Variants in RBM39 observed in about 807,000 individuals in gnomAD.
RBM39 encodes RNA-binding protein 39.
RBM39 carries 12 observed loss-of-function variants against 79.6 expected under a neutral mutation model. That is an observed-to-expected ratio of 0.15 (90% CI 0.10 to 0.24). The LOEUF (loss-of-function observed/expected upper bound fraction) is 0.24, where lower values mean the gene tolerates loss of function less well. Ranked by LOEUF, RBM39 falls within the 10% of genes least tolerant of loss-of-function variation. RBM39 has a pLI of 1.00. For missense variants in RBM39, 243 were observed against 653.4 expected, an observed-to-expected ratio of 0.37 and a Z score of 6.85; for synonymous variants, 185 against 208.4, an observed-to-expected ratio of 0.89 and a Z score of 0.97.
At chr20:35,734,542 T>C (rs1332637473) in intron 3 of RBM39, 1 of 223,624 alleles carries the variant, frequency 4.5e-6, no homozygotes, top group African/African-American at 2.3e-5. Flanking sequence ...AAAGTTTTTG[T>C]TCTGCTCTAG....
intron 7 of RBM39, 152 bp from the exon 8 acceptor site, chr20:35,724,874 G>A (rs1038220600): frequency 6.1e-6 from 7 of 1,151,316 alleles, no homozygotes; most frequent in Non-Finnish European, 8.6e-6. Context: ...CTTTATCTTT[G>A]AACAAATTTG....
At chr20:35,721,899 A>G (rs1249766764) in intron 8 of RBM39, 22 bp from the exon 9 acceptor site, 16 of 1,609,644 alleles carry the variant, frequency 9.9e-6, no homozygotes, top group Middle Eastern at 1.6e-4. Context: ...AATACACGTC[A>G]CACAGAGATA....
chr20:35,739,475 G>C, intron 2 of RBM39: 1 of 471,170 alleles, frequency 2.1e-6, no homozygotes, highest in Non-Finnish European at 4.4e-6. Context: ...TGCCATTCCT[G>C]AGATCTTCGC....
intron 2 of RBM39, 120 bp from the exon 3 acceptor site, chr20:35,739,137 A>G: frequency 1.2e-6 from 1 of 861,672 alleles, no homozygotes; most frequent in Admixed American, 2.3e-5. Context: ...TTATTTACTT[A>G]TAGTTTAACA....
At position 35,704,011 on chromosome 20, in the gene RBM39, T is replaced by G. The variant is rs553263568; in HGVS notation, c.*470A>C. The G allele has an allele frequency of 6.5e-6, 1 of 153,438 alleles. No individual in the cohort carries two copies. The highest frequency in any genetic ancestry group is 2.4e-5 in the African/African-American group (1 of 41,458). 9.5% of individuals were successfully genotyped at this position (153,438 alleles called of 1,614,324 possible). On this transcript the variant is annotated 3_prime_UTR_variant, in exon 17 of 17. Coordinates refer to ENST00000253363, the MANE Select transcript of RBM39 (RefSeq NM_184234.3). ...CTTGCCAATTGATCAGAATGCAAGATGAGATGCTAACCAAACAGCCCTTTA... is the reference window on the plus strand; with the variant it reads ...CTTGCCAATTGATCAGAATGCAAGAGGAGATGCTAACCAAACAGCCCTTTA...
chr20:35,709,333 G>C (rs781252997), intron 12 of RBM39, 59 bp from the exon 13 acceptor site: 56 of 1,420,860 alleles, frequency 3.9e-5, no homozygotes, highest in Non-Finnish European at 5.3e-5. Context: ...TGTCAGGAAA[G>C]CATTAATAAA....
chr20:35,729,531 A>C lies in RBM39; in HGVS notation c.297-4T>G. On this transcript the variant is annotated splice_region_variant and splice_polypyrimidine_tract_variant and intron_variant, in intron 4 of 16. Coordinates refer to ENST00000253363, the MANE Select transcript of RBM39 (RefSeq NM_184234.3). ...ACTGTTAAATTTTGGTCCGGAGCTA[A>C]AAAGGAAACACAAAATTACACTAGT... The C allele has an allele frequency of 6.2e-7, 1 of 1,613,758 alleles. No homozygotes were observed. The highest frequency in any genetic ancestry group is 8.5e-7 in the Non-Finnish European group (1 of 1,179,808).
intron 6 of RBM39, 79 bp downstream of exon 6, chr20:35,729,233 A>G: frequency 7.8e-7 from 1 of 1,276,920 alleles, no homozygotes. Flanking sequence ...GGTCCAAATT[A>G]CTAAATATCA....
At chr20:35,734,156 G>A (rs2039666741) in intron 3 of RBM39, 1 of 1,245,426 alleles carries the variant, frequency 8.0e-7, no homozygotes, top group Non-Finnish European at 1.1e-6. Flanking sequence ...TCTTTAGAGT[G>A]CATTGAAAAT....
intron 4 of RBM39, among the ~76,000 whole-genome samples, chr20:35,731,206 T>G (rs2039330840): frequency 2.6e-5 from 4 of 152,186 alleles, no homozygotes; most frequent in African/African-American, 4.8e-5. Context: ...ACTGTGTTTA[T>G]TAAGAGGAAT....
chr20:35,725,003 T>C, intron 7 of RBM39, 35 bp downstream of exon 7: 1 of 1,398,124 alleles, frequency 7.2e-7, no homozygotes. Flanking sequence ...TTGCAATTTC[T>C]ACCTACTTGA....
Position 35,702,145 on chromosome 20 carries a change from C to G in RBM39, c.*2336G>C, listed in dbSNP as rs916594733. On this transcript the variant is annotated 3_prime_UTR_variant, in exon 17 of 17. Transcript: ENST00000253363. ...CACGCAGACCCTGGAGTTACTAACC[C>G]GCATTGCCCATTAAGCATTTCTTAA... 6.6e-6 allele frequency: 1 copy of G among 152,160 alleles called. No homozygotes were observed. Among genetic ancestry groups the G allele is most frequent in the African/African-American group, 2.4e-5 (1 of 41,418 alleles). 9.4% of individuals were successfully genotyped at this position (152,160 alleles called of 1,614,324 possible). A position where few individuals can be genotyped will look rare whatever the true frequency, so the allele number is the denominator to read the frequency against.
At position 35,742,123 on chromosome 20, in the gene RBM39, A is replaced by AT. The variant is rs2040616182; in HGVS notation, c.-197_-196insA. On this transcript the variant is annotated 5_prime_UTR_variant, in exon 1 of 17. Coordinates refer to ENST00000253363, the MANE Select transcript of RBM39 (RefSeq NM_184234.3). ...CTAGGCCCGAGAGAATCTAAAAAAAACAATGGAATTAGAGAAGCCCACGCG... is the reference window on the plus strand; with the variant it reads ...CTAGGCCCGAGAGAATCTAAAAAAAATCAATGGAATTAGAGAAGCCCACGCG... 6.1e-6 allele frequency: 1 copy of AT among 164,978 alleles called. No individual in the cohort carries two copies. The highest frequency in any genetic ancestry group is 1.3e-5 in the Non-Finnish European group (1 of 74,286). The allele number at this position is 164,978 out of a possible 1,614,324, so 10.2% of individuals were successfully genotyped here.
At position 35,740,887 on chromosome 20, in the gene RBM39, C is replaced by T. The variant is rs748605160; in HGVS notation, c.-13G>A. On this transcript the variant is annotated splice_region_variant and 5_prime_UTR_variant, in exon 2 of 17. Transcript: ENST00000253363. ...TATCGTCTGCCATTTTCTCTAAACG[C>T]CTAGGAAGAGAACAAGACAATTTCT... The T allele has an allele frequency of 1.4e-5, 23 of 1,605,864 alleles. No homozygotes were observed. Among genetic ancestry groups the T allele is most frequent in the Non-Finnish European group, 2.0e-5 (23 of 1,174,796 alleles).
At chr20:35,704,939 A>C in intron 15 of RBM39, 193 bp from the exon 16 acceptor site, 1 of 604,564 alleles carries the variant, frequency 1.7e-6, no homozygotes, top group Non-Finnish European at 2.9e-6. Context: ...TTGCCGTTTT[A>C]TCTTTTCTCT....
intron 14 of RBM39, among the ~76,000 whole-genome samples, chr20:35,706,861 C>G (rs1043050743): frequency 6.6e-6 from 1 of 151,718 alleles, no homozygotes; most frequent in Non-Finnish European, 1.5e-5. Context: ...AACCCCATCT[C>G]TACTAAAACT....
At chr20:35,739,096 A>G in intron 2 of RBM39, 79 bp from the exon 3 acceptor site, 2 of 1,165,810 alleles carry the variant, frequency 1.7e-6, no homozygotes, top group Non-Finnish European at 2.5e-6. Flanking sequence ...GGGAACAGGA[A>G]TAAGAAAATA....
intron 13 of RBM39, 91 bp from the exon 14 acceptor site, chr20:35,707,292 A>C: frequency 1.4e-6 from 1 of 729,194 alleles, no homozygotes; most frequent in African/African-American, 1.8e-5. Context: ...AACCCACCCC[A>C]AGCATGTAAC....
In RBM39 at chr20:35,725,281, T is replaced by C. The variant is rs1044808960; in HGVS notation, c.417-126A>G. ...GGTGGGTTTTGGTTACATAGATGAG[T>C]TCTTTAATGGTGAATTCTGAGATTT... On this transcript the variant is annotated intron_variant, in intron 6 of 16. Transcript: ENST00000253363. 12 of 614,640 alleles carry C rather than the reference T, an allele frequency of 2.0e-5. No individual in the cohort carries two copies. In the African/African-American group the frequency reaches 2.0e-4, roughly 10 times the overall value. The allele number at this position is 614,640 out of a possible 1,614,324, so 38.1% of individuals were successfully genotyped here. A position where few individuals can be genotyped will look rare whatever the true frequency, so the allele number is the denominator to read the frequency against.
Sources: allele counts gnomAD v4.1 joint callset (sites outside exome capture counted in the v4.1 genomes callset), GRCh38; gene constraint gnomAD v4.1.1; transcripts MANE v1.5; gene names NCBI Gene and HGNC (gene_info 2026-07-23, HGNC 2026-07-21).